MICAL2: variants seen among roughly 807,000 people sequenced by gnomAD.
MICAL2 encodes the protein microtubule associated monooxygenase, calponin and LIM domain containing 2, also known as [F-actin]-monooxygenase MICAL2.
MICAL2 carries 77 observed loss-of-function variants against 127.3 expected under a neutral mutation model. The observed-to-expected ratio is 0.60, with a 90% confidence interval of 0.50 to 0.73. MICAL2 has a LOEUF of 0.73. Ranked by LOEUF, MICAL2 falls within the 30% of genes least tolerant of loss-of-function variation. The pLI is 0.00. For synonymous variants in MICAL2, 570 were observed against 551.1 expected, an observed-to-expected ratio of 1.03 and a Z score of -0.48; for missense variants, 1,351 against 1,434.4, an observed-to-expected ratio of 0.94 and a Z score of 0.94.
At position 12,228,500 on chromosome 11, in the gene MICAL2, T is replaced by C. The variant is rs1451482483; in HGVS notation, c.1995+1369T>C. 6.6e-5 allele frequency among the ~76,000 whole-genome samples: 10 copies of C among 152,144 alleles called. 1 individual carries two copies. On this transcript the variant is annotated intron_variant, in intron 15 of 27. Coordinates refer to ENST00000683283, the MANE Select transcript of MICAL2 (RefSeq NM_001282663.2). Reference sequence around the variant, plus strand: ...CCAGTTATAGGACATACAGAAGTAATGTGAGCCTTGACCTTGGAGTCCAGT... The same window carrying C: ...CCAGTTATAGGACATACAGAAGTAACGTGAGCCTTGACCTTGGAGTCCAGT...
intron 32 of MICAL2, among the ~76,000 whole-genome samples, chr11:12,339,719 C>G (rs550004742): frequency 3.3e-5 from 5 of 152,316 alleles, no homozygotes; most frequent in Admixed American, 1.3e-4. Flanking sequence ...CCACTCCAGA[C>G]CCATTTGCCT....
intron 3 of MICAL2, among the ~76,000 whole-genome samples, chr11:12,194,929 G>A (rs1248281928): frequency 1.3e-5 from 2 of 152,116 alleles, no homozygotes; most frequent in Non-Finnish European, 2.9e-5. Flanking sequence ...ACAGGCAGTA[G>A]GAAAAAAGAG....
intron 29 of MICAL2, among the ~76,000 whole-genome samples, chr11:12,300,934 C>T (rs1259794805): frequency 1.3e-5 from 2 of 152,160 alleles, no homozygotes; most frequent in Non-Finnish European, 2.9e-5. Flanking sequence ...ATTAAACATT[C>T]TGTATTAGTC....
intron 29 of MICAL2, among the ~76,000 whole-genome samples, chr11:12,300,331 A>G (rs1864033323): frequency 6.6e-6 from 1 of 152,202 alleles, no homozygotes; most frequent in Non-Finnish European, 1.5e-5. Context: ...ATACGGTGGG[A>G]ACATAAATAT....
At chr11:12,213,479 C>T (rs1201867288) in intron 7 of MICAL2, 69 bp downstream of exon 7, 4 of 1,486,636 alleles carry the variant, frequency 2.7e-6, no homozygotes, top group Non-Finnish European at 3.6e-6. Context: ...TGTGCAGAGG[C>T]GTGTGCTGGC....
chr11:12,247,882 T>C (rs952807241), intron 21 of MICAL2, among the ~76,000 whole-genome samples: 4 of 152,204 alleles, frequency 2.6e-5, no homozygotes, highest in Admixed American at 2.6e-4. Flanking sequence ...CTGCTCTTTT[T>C]GCTCAATGGA....
chr11:12,292,399 A>T, downstream of MICAL2: 1 of 1,311,956 alleles, frequency 7.6e-7, no homozygotes, highest in South Asian at 1.3e-5. Context: ...CTCATAGGTC[A>T]ACCTAAGTGC....
At chr11:12,335,804 T>G (rs1423858133) in intron 32 of MICAL2, among the ~76,000 whole-genome samples, 3 of 152,230 alleles carry the variant, frequency 2.0e-5, no homozygotes, top group Non-Finnish European at 4.4e-5. Context: ...TTCTGTTCCA[T>G]TGGTCTGTGT....
rs139305799 is a variant in MICAL2, at chr11:12,244,041, C to T, written c.2713C>T (p.Arg905Cys). The change falls in exon 21 of 28, where the codon CGC becomes TGC. Residue 905 changes from arginine to cysteine, a missense_variant. Physicochemically the swap from Arg to Cys is radical, Grantham distance 180. This residue lies in a region of MICAL2 where 752 missense variants were observed against 719.4 expected (regional missense o/e 1.05). Coordinates refer to ENST00000683283, the MANE Select transcript of MICAL2 (RefSeq NM_001282663.2). ...TACTCATCCTCCATCTCCTCCCTCT[C>T]GCCTTCCGTCTCCTGATCCAGCTGC... Reference protein sequence around the residue: ...SHTHPPSPPSRLPSPDPAASS... With the variant: ...SHTHPPSPPSCLPSPDPAASS... 33 of 1,613,916 alleles carry T rather than the reference C, an allele frequency of 2.0e-5. No homozygotes were observed. Among genetic ancestry groups the T allele is most frequent in the East Asian group, 1.6e-4 (7 of 44,890 alleles).
intron 3 of MICAL2, among the ~76,000 whole-genome samples, chr11:12,186,253 GTTTTTTTCTT>G (rs1185099815): frequency 1.3e-5 from 2 of 152,170 alleles, no homozygotes; most frequent in East Asian, 1.9e-4. Flanking sequence ...GCTTGGGGGA[GTTTTTTTCTT>G]TTTTTTTCTT....
intron 3 of MICAL2, among the ~76,000 whole-genome samples, chr11:12,181,504 A>G (rs1857477719): frequency 6.6e-6 from 1 of 152,250 alleles, no homozygotes; most frequent in Non-Finnish European, 1.5e-5. Context: ...CATCCAGCCA[A>G]GAAGAGAATT....
intron 21 of MICAL2, among the ~76,000 whole-genome samples, chr11:12,246,771 A>G (rs1241286701): frequency 6.6e-6 from 1 of 152,166 alleles, no homozygotes. Context: ...CACCCTCAGT[A>G]AACAAATATT....
At chr11:12,200,960 T>C (rs1860643007) in intron 3 of MICAL2, among the ~76,000 whole-genome samples, 2 of 152,058 alleles carry the variant, frequency 1.3e-5, no homozygotes, top group South Asian at 2.1e-4. Context: ...CAGGAAAAGA[T>C]GTACTAACTG....
At chr11:12,249,970 G>C (rs1337348291) in intron 22 of MICAL2, 2 of 152,326 alleles carry the variant, frequency 1.3e-5, no homozygotes, top group Non-Finnish European at 2.9e-5. Flanking sequence ...TCGGTGCAGT[G>C]TGAGGAACGC....
intron 13 of MICAL2, chr11:12,225,865 A>G (rs1273787333): frequency 2.8e-6 from 1 of 355,060 alleles, no homozygotes; most frequent in Non-Finnish European, 5.2e-6. Flanking sequence ...AAAGAAAAAA[A>G]GTAAGGGATA....
intron 2 of MICAL2, among the ~76,000 whole-genome samples, chr11:12,147,314 A>T (rs1853042159): frequency 6.6e-6 from 1 of 152,242 alleles, no homozygotes; most frequent in Admixed American, 6.5e-5. Flanking sequence ...CCAGATTTCT[A>T]TGGTAAGCAT....
chr11:12,323,943 T>A, intron 30 of MICAL2: 1 of 1,583,010 alleles, frequency 6.3e-7, no homozygotes, highest in Non-Finnish European at 8.6e-7. Flanking sequence ...CCCATTTTTC[T>A]CTGACATAAT....
chr11:12,320,539 G>C (rs189542622), intron 30 of MICAL2, among the ~76,000 whole-genome samples: 56 of 152,266 alleles, frequency 3.7e-4, no homozygotes, highest in African/African-American at 1.2e-3. Flanking sequence ...TTGGTGGGGT[G>C]GGGGTGGCAG....
chr11:12,223,419 T>C lies in MICAL2; in HGVS notation c.1458T>C (p.His486=), dbSNP rs577598540. 5.6e-6 allele frequency: 9 copies of C among 1,613,612 alleles called. No homozygotes were observed. The East Asian group carries it at 6.7e-5, about 12-fold the overall frequency. ...GTCTCTCTTGCTCATAGGTGAAGCA[T>C]TTGTATATCACTAAGGAGCTGGAGC... ...SHCVRPHQVK[H]LYITKELEHY... The change falls in exon 12 of 28, where the codon CAT becomes CAC. Residue 486 remains histidine, a synonymous_variant. Coordinates refer to ENST00000683283, the MANE Select transcript of MICAL2 (RefSeq NM_001282663.2).
Sources: allele counts gnomAD v4.1 joint callset (sites outside exome capture counted in the v4.1 genomes callset), GRCh38; gene constraint gnomAD v4.1.1; regional missense constraint gnomAD v4.1.1; transcripts MANE v1.5; gene names NCBI Gene and HGNC (gene_info 2026-07-23, HGNC 2026-07-21).